Variants in SIPA1L1 observed in about 807,000 individuals in gnomAD.
SIPA1L1 encodes signal-induced proliferation-associated 1-like protein 1.
In SIPA1L1, 26 loss-of-function variants were observed where a neutral mutation model predicts 162.7. The observed-to-expected ratio is 0.16, with a 90% CI of 0.12 to 0.22. The LOEUF (loss-of-function observed/expected upper bound fraction) is 0.22, where lower values mean the gene tolerates loss of function less well. Among genes scored for constraint, SIPA1L1 ranks in the 10% least tolerant of loss-of-function variants. The probability of loss-of-function intolerance (pLI) is 1.00; values close to 1 mark genes in which losing one functional copy is unlikely to be tolerated. For synonymous variants in SIPA1L1, 829 were observed against 837.4 expected (o/e 0.99, Z 0.17); for missense variants, 1,874 against 2,241.0 (o/e 0.84, Z 3.31).
At chr14:71,505,938 C>T (rs1272623924) in intron 2 of SIPA1L1, among the ~76,000 whole-genome samples, 1 of 151,038 alleles carries the variant, frequency 6.6e-6, no homozygotes, top group African/African-American at 2.4e-5. Flanking sequence ...CTTAAGATAT[C>T]TCATTATGGA....
chr14:71,481,514 A>ACAG (rs1317969118), intron 2 of SIPA1L1, among the ~76,000 whole-genome samples: 2 of 151,960 alleles, frequency 1.3e-5, no homozygotes, highest in Non-Finnish European at 2.9e-5. Flanking sequence ...AACAACAACA[A>ACAG]CAGCAAAAAA....
chr14:71,444,463 ACT>A (rs1393135087), intron 2 of SIPA1L1, among the ~76,000 whole-genome samples: 2 of 151,928 alleles, frequency 1.3e-5, no homozygotes, highest in Non-Finnish European at 2.9e-5. Context: ...AAGTTCCCAG[ACT>A]CTCCTAATTC....
intron 2 of SIPA1L1, among the ~76,000 whole-genome samples, chr14:71,427,077 A>G (rs986514646): frequency 2.0e-5 from 3 of 152,250 alleles, no homozygotes; most frequent in Non-Finnish European, 4.4e-5. Flanking sequence ...CTGTTTTTAC[A>G]ATGATACTTT....
At chr14:71,537,432 T>G (rs1484638358) in intron 4 of SIPA1L1, among the ~76,000 whole-genome samples, 1 of 152,186 alleles carries the variant, frequency 6.6e-6, no homozygotes, top group African/African-American at 2.4e-5. Flanking sequence ...CTCGGACTCC[T>G]GACCTCAGGT....
intron 2 of SIPA1L1, among the ~76,000 whole-genome samples, chr14:71,496,101 C>T (rs991075983): frequency 4.7e-5 from 7 of 148,668 alleles, no homozygotes; most frequent in Admixed American, 2.0e-4. Context: ...ATAAAATTGT[C>T]TTTAGCCACA....
intron 14 of SIPA1L1, among the ~76,000 whole-genome samples, chr14:71,700,094 G>A (rs1423516477): frequency 3.3e-5 from 5 of 152,066 alleles, no homozygotes; most frequent in Admixed American, 2.6e-4. Flanking sequence ...CATGAGAAAT[G>A]AAATTAAAAG....
chr14:71,459,440 T>G (rs2046424687), intron 2 of SIPA1L1, among the ~76,000 whole-genome samples: 1 of 151,764 alleles, frequency 6.6e-6, no homozygotes, highest in South Asian at 2.1e-4. Context: ...ATTTAGGATA[T>G]CTATCTATCT....
chr14:71,578,201 T>A (rs929701412), intron 4 of SIPA1L1, among the ~76,000 whole-genome samples: 1 of 151,936 alleles, frequency 6.6e-6, no homozygotes. Flanking sequence ...GAGCCACTGC[T>A]CCCGGACTTT....
intron 2 of SIPA1L1, among the ~76,000 whole-genome samples, chr14:71,450,874 T>C (rs1329552212): frequency 1.3e-5 from 2 of 152,110 alleles, no homozygotes; most frequent in Admixed American, 6.5e-5. Flanking sequence ...AATAGAACTA[T>C]CATGTGATCC....
At chr14:71,620,449 C>T (rs1172555400) in intron 6 of SIPA1L1, among the ~76,000 whole-genome samples, 2 of 152,194 alleles carry the variant, frequency 1.3e-5, no homozygotes, top group Non-Finnish European at 2.9e-5. Flanking sequence ...TTTTCCCTTC[C>T]CAAGGCCACT....
intron 2 of SIPA1L1, among the ~76,000 whole-genome samples, chr14:71,329,458 C>A (rs1383687683): frequency 7.2e-6 from 1 of 139,792 alleles, no homozygotes; most frequent in African/African-American, 2.6e-5. Flanking sequence ...AAAAATTTTT[C>A]GAGACAGGGT....
In SIPA1L1 at chr14:71,705,225, C is replaced by A. The variant is rs1407481300; in HGVS notation, c.3650C>A (p.Pro1217Gln). 6.2e-7 allele frequency: 1 copy of A among 1,611,518 alleles called. No homozygotes were observed. Among genetic ancestry groups the A allele is most frequent in the South Asian group, 1.1e-5 (1 of 91,022 alleles). The change falls in exon 16 of 24, where the codon CCA (proline) becomes CAA (glutamine). Residue 1217 changes from proline to glutamine, a missense_variant. By Grantham distance (76) the Pro-to-Gln change is moderately conservative. This residue lies in a region of SIPA1L1 where 936 missense variants were observed against 1,051.9 expected (regional missense o/e 0.89). Transcript: ENST00000381232. ...SEDSIADQME[P>Q]TCHLPAVSKV... ...AATGTCCTATGCTGTATTCCAGAGC[C>A]AACATGCCATCTCCCAGCAGTATCA...
intron 5 of SIPA1L1, among the ~76,000 whole-genome samples, chr14:71,606,563 T>C (rs1261189643): frequency 6.6e-6 from 1 of 152,152 alleles, no homozygotes; most frequent in East Asian, 1.9e-4. Context: ...TCCTGAGCAC[T>C]GCCCTGGCAC....
At chr14:71,631,406 C>T (rs912279410) in intron 7 of SIPA1L1, among the ~76,000 whole-genome samples, 3 of 152,124 alleles carry the variant, frequency 2.0e-5, no homozygotes, top group Non-Finnish European at 4.4e-5. Context: ...TTTATTTCAT[C>T]AGTTTCTCTA....
intron 8 of SIPA1L1, among the ~76,000 whole-genome samples, chr14:71,657,755 C>T (rs183005326): frequency 1.7e-4 from 25 of 150,770 alleles, no homozygotes; most frequent in Admixed American, 1.1e-3. Flanking sequence ...CTTGATGTGT[C>T]GACAGAATTC....
Position 71,330,586 on chromosome 14 carries a change from A to C in SIPA1L1, c.-465+9405A>C, listed in dbSNP as rs534664181. ...CTTTCCTCCTCAGATGTTAAATCCC[A>C]ACTGAGCTTCAGGAGGCTTCTTCAG... On this transcript the variant is annotated intron_variant, in intron 2 of 23. Coordinates refer to ENST00000381232, the MANE Select transcript of SIPA1L1 (RefSeq NM_001386936.1). The C allele has an allele frequency of 2.7e-6, 3 of 1,106,722 alleles. No individual in the cohort carries two copies. The Middle Eastern group carries it at 6.8e-4, about 250-fold the overall frequency. The allele number at this position is 1,106,722 out of a possible 1,614,324, so 68.6% of individuals were successfully genotyped here.
intron 2 of SIPA1L1, among the ~76,000 whole-genome samples, chr14:71,483,918 T>C (rs2048541368): frequency 6.6e-6 from 1 of 152,188 alleles, no homozygotes; most frequent in Non-Finnish European, 1.5e-5. Context: ...CATCGCTAGG[T>C]TGGGCTGCAT....
chr14:71,434,126 T>C (rs1415116641), intron 2 of SIPA1L1, among the ~76,000 whole-genome samples: 3 of 152,236 alleles, frequency 2.0e-5, no homozygotes, highest in Non-Finnish European at 4.4e-5. Flanking sequence ...GACCAGAACC[T>C]ATTAATTTTG....
intron 4 of SIPA1L1, among the ~76,000 whole-genome samples, chr14:71,543,200 C>T (rs1053679266): frequency 6.6e-6 from 1 of 152,126 alleles, no homozygotes; most frequent in African/African-American, 2.4e-5. Flanking sequence ...GAGAATTACC[C>T]CATCACTCTT....
Sources: allele counts gnomAD v4.1 joint callset (sites outside exome capture counted in the v4.1 genomes callset), GRCh38; gene constraint gnomAD v4.1.1; regional missense constraint gnomAD v4.1.1; transcripts MANE v1.5; gene names NCBI Gene and HGNC (gene_info 2026-07-23, HGNC 2026-07-21).